Variants in LAMC1 observed in about 807,000 individuals in gnomAD.
LAMC1 encodes laminin subunit gamma 1.
A neutral mutation model predicts 173.6 loss-of-function variants in LAMC1; 38 were observed. That is an observed-to-expected ratio of 0.22 (90% CI 0.17 to 0.29). LAMC1 has a LOEUF of 0.29. LAMC1 is among the 10% of genes least tolerant of loss of function. The pLI is 1.00. For synonymous variants in LAMC1, 746 were observed against 749.1 expected, an observed-to-expected ratio of 1.00 and a Z score of 0.07; for missense variants, 1,824 against 2,051.8, an observed-to-expected ratio of 0.89 and a Z score of 2.14.
chr1:183,140,120 G>A (rs1335610150), intron 26 of LAMC1, among the ~76,000 whole-genome samples: 3 of 101,762 alleles, frequency 2.9e-5, no homozygotes, highest in African/African-American at 1.0e-4. Context: ...TGTGAGAAAA[G>A]GAGATTAATT....
At chr1:183,118,542 G>C (rs1222170714) in intron 11 of LAMC1, among the ~76,000 whole-genome samples, 2 of 152,056 alleles carry the variant, frequency 1.3e-5, no homozygotes, top group African/African-American at 4.8e-5. Flanking sequence ...GGCCAACATG[G>C]TGGAACCCCG....
At chr1:183,066,479 C>A (rs954699178) in intron 1 of LAMC1, among the ~76,000 whole-genome samples, 3 of 152,204 alleles carry the variant, frequency 2.0e-5, no homozygotes, top group Admixed American at 1.3e-4. Flanking sequence ...GATTATAAAT[C>A]ATTCTACTAT....
chr1:183,034,384 C>T (rs1653921505), intron 1 of LAMC1, among the ~76,000 whole-genome samples: 1 of 152,148 alleles, frequency 6.6e-6, no homozygotes. Context: ...GATTCTCCTG[C>T]CTCAGCCTCC....
rs1456300860 is a variant in LAMC1, at chr1:183,024,095, G to T, written c.379G>T (p.Val127Leu). The change falls in exon 1 of 28, where the codon GTG becomes TTG. Residue 127 changes from valine (V) to leucine (L), a missense_variant. Coordinates refer to ENST00000258341, the MANE Select transcript of LAMC1 (RefSeq NM_002293.4). ...GCAAAGCCAGACCATGCTGGCCGGG[G>T]TGCAGTACCCCAGCTCCATCAACCT... ...WWQSQTMLAG[V>L]QYPSSINLTL... The T allele has an allele frequency of 6.2e-7, 1 of 1,607,042 alleles. No individual in the cohort carries two copies. The highest frequency in any genetic ancestry group is 8.5e-7 in the Non-Finnish European group (1 of 1,177,268).
intron 1 of LAMC1, among the ~76,000 whole-genome samples, chr1:183,058,943 T>C (rs1654672256): frequency 6.6e-6 from 1 of 152,250 alleles, no homozygotes; most frequent in Non-Finnish European, 1.5e-5. Context: ...TATCTATATG[T>C]TGTTCTGTTT....
intron 1 of LAMC1, among the ~76,000 whole-genome samples, chr1:183,047,816 A>G (rs1654305023): frequency 6.6e-6 from 1 of 152,196 alleles, no homozygotes; most frequent in Non-Finnish European, 1.5e-5. Flanking sequence ...TGTGCTATTA[A>G]AAAACCTGAT....
chr1:183,115,322 A>T (rs1656286765), intron 5 of LAMC1, among the ~76,000 whole-genome samples, 198 bp from the exon 6 acceptor site: 1 of 152,200 alleles, frequency 6.6e-6, no homozygotes, highest in Admixed American at 6.5e-5. Context: ...GAAACTTAAA[A>T]TGCCATGACT....
chr1:183,139,083 C>A (rs1456396908), intron 26 of LAMC1, among the ~76,000 whole-genome samples: 2 of 152,110 alleles, frequency 1.3e-5, no homozygotes, highest in East Asian at 3.9e-4. Flanking sequence ...AGATGTTTCT[C>A]ACATGTTGAG....
chr1:183,082,744 T>C (rs1006295599), intron 1 of LAMC1, among the ~76,000 whole-genome samples: 38 of 152,242 alleles, frequency 2.5e-4, no homozygotes, highest in African/African-American at 8.4e-4. Flanking sequence ...TAACTAGGCC[T>C]GTAAAGATGT....
intron 1 of LAMC1, among the ~76,000 whole-genome samples, chr1:183,047,748 C>G (rs1352031382): frequency 6.6e-6 from 1 of 152,018 alleles, no homozygotes; most frequent in African/African-American, 2.4e-5. Flanking sequence ...GGAGACAGTC[C>G]CATACAACAA....
intron 19 of LAMC1, 43 bp from the exon 20 acceptor site, chr1:183,131,256 A>G (rs1291655433): frequency 1.0e-5 from 15 of 1,486,282 alleles, no homozygotes; most frequent in Admixed American, 1.7e-5. Flanking sequence ...TTAAATGTAA[A>G]TAATTCAGTC....
chr1:183,083,096 A>T (rs1031969970), intron 1 of LAMC1, among the ~76,000 whole-genome samples: 1 of 152,164 alleles, frequency 6.6e-6, no homozygotes, highest in African/African-American at 2.4e-5. Flanking sequence ...AAGATCAATA[A>T]CTTTTTGAAT....
chr1:183,138,288 A>C (rs1657004576), intron 26 of LAMC1: 1 of 677,406 alleles, frequency 1.5e-6, no homozygotes, highest in Admixed American at 6.3e-5. Context: ...CATCTAGTTT[A>C]ATTTTTCACG....
intron 3 of LAMC1, among the ~76,000 whole-genome samples, chr1:183,109,859 T>A (rs1201523596): frequency 1.3e-5 from 2 of 152,158 alleles, no homozygotes; most frequent in Non-Finnish European, 2.9e-5. Flanking sequence ...GGATTCTTGC[T>A]CCAGACAACC....
chr1:183,125,283 A>AC (rs5779155), intron 14 of LAMC1, 114 bp from the exon 15 acceptor site: 601,993 of 1,081,324 alleles, frequency 0.56, 170,821 homozygotes, highest in Admixed American at 0.66. Context: ...GCCACATGTG[A>AC]CAGCAGCTAC....
At chr1:183,087,782 T>G (rs1655468020) in intron 1 of LAMC1, among the ~76,000 whole-genome samples, 1 of 151,988 alleles carries the variant, frequency 6.6e-6, no homozygotes, top group South Asian at 2.1e-4. Flanking sequence ...TACTTAGCTT[T>G]AGGAAAAAGG....
intron 2 of LAMC1, among the ~76,000 whole-genome samples, chr1:183,105,502 C>T (rs570784897): frequency 2.0e-4 from 31 of 152,244 alleles, no homozygotes; most frequent in African/African-American, 7.0e-4. Flanking sequence ...TACACCCAGT[C>T]AGCCTGTCTT....
At chr1:183,029,914 TAGATG>T (rs1414158193) in intron 1 of LAMC1, among the ~76,000 whole-genome samples, 1 of 152,166 alleles carries the variant, frequency 6.6e-6, no homozygotes, top group Non-Finnish European at 1.5e-5. Flanking sequence ...ACCTCATTCT[TAGATG>T]AGGTGTAGAT....
At chr1:183,076,608 C>T (rs1035591607) in intron 1 of LAMC1, among the ~76,000 whole-genome samples, 2 of 152,212 alleles carry the variant, frequency 1.3e-5, no homozygotes, top group Non-Finnish European at 2.9e-5. Context: ...CCCCCTCACA[C>T]CAGCATATCC....
Sources: allele counts gnomAD v4.1 joint callset (sites outside exome capture counted in the v4.1 genomes callset), GRCh38; gene constraint gnomAD v4.1.1; transcripts MANE v1.5; gene names NCBI Gene and HGNC (gene_info 2026-07-23, HGNC 2026-07-21).